The following GPC5 variants were observed in gnomAD, a reference collection of about 807,000 sequenced individuals.
GPC5 encodes the protein glypican-5.
Under a neutral mutation model 53.9 loss-of-function variants are expected in GPC5, and 47 were observed. That is an observed-to-expected ratio of 0.87 (90% confidence interval 0.69 to 1.11). The LOEUF (loss-of-function observed/expected upper bound fraction) is 1.11, where lower values mean the gene tolerates loss of function less well. Ranked by LOEUF, GPC5 falls within the 50% of genes most tolerant of loss-of-function variation. The pLI is 0.00. For missense variants in GPC5, 748 were observed against 713.1 expected, an observed-to-expected ratio of 1.05 and a Z score of -0.56; for synonymous variants, 286 against 263.3, an observed-to-expected ratio of 1.09 and a Z score of -0.84.
At chr13:91,784,845 G>A (rs2037854233) in intron 5 of GPC5, among the ~76,000 whole-genome samples, 1 of 152,116 alleles carries the variant, frequency 6.6e-6, no homozygotes, top group Admixed American at 6.5e-5. Context: ...GCAATAACTA[G>A]ATTAGAAAAT....
chr13:92,514,064 G>C (rs1880678907), intron 7 of GPC5, among the ~76,000 whole-genome samples: 1 of 151,716 alleles, frequency 6.6e-6, no homozygotes, highest in African/African-American at 2.4e-5. Context: ...AAAAGAAAGG[G>C]AGTAAGGCTA....
intron 2 of GPC5, among the ~76,000 whole-genome samples, chr13:91,640,219 A>G (rs1044138866): frequency 6.6e-6 from 1 of 152,200 alleles, no homozygotes; most frequent in African/African-American, 2.4e-5. Context: ...GAGTGGGAGA[A>G]AATTTTTGCT....
At chr13:91,927,595 A>T (rs544279537) in intron 6 of GPC5, among the ~76,000 whole-genome samples, 1 of 152,278 alleles carries the variant, frequency 6.6e-6, no homozygotes, top group African/African-American at 2.4e-5. Flanking sequence ...AAAAATATAG[A>T]TGATTTTGGA....
intron 2 of GPC5, among the ~76,000 whole-genome samples, chr13:91,547,590 TACAAC>T (rs967392818): frequency 6.6e-6 from 1 of 152,116 alleles, no homozygotes; most frequent in Non-Finnish European, 1.5e-5. Flanking sequence ...ACCAATTCTC[TACAAC>T]ATCTTTCAGA....
At chr13:91,483,107 C>G (rs1235854204) in intron 2 of GPC5, among the ~76,000 whole-genome samples, 1 of 152,092 alleles carries the variant, frequency 6.6e-6, no homozygotes, top group African/African-American at 2.4e-5. Context: ...CAGCATGACT[C>G]CAAAGTTTGG....
chr13:91,514,511 A>G (rs1885393611), intron 2 of GPC5, among the ~76,000 whole-genome samples: 1 of 152,122 alleles, frequency 6.6e-6, no homozygotes, highest in Non-Finnish European at 1.5e-5. Flanking sequence ...TCAAGTTTTG[A>G]AAGTCCTTTA....
At chr13:92,438,544 A>G (rs999715641) in intron 7 of GPC5, among the ~76,000 whole-genome samples, 4 of 152,076 alleles carry the variant, frequency 2.6e-5, no homozygotes, top group Admixed American at 2.6e-4. Flanking sequence ...TAAAGCTTTT[A>G]ATCAAGATGC....
chr13:91,860,521 A>G (rs1269699498), intron 5 of GPC5, among the ~76,000 whole-genome samples: 1 of 101,398 alleles, frequency 9.9e-6, no homozygotes, highest in African/African-American at 3.9e-5. Context: ...CTTTTTCTTT[A>G]TTTCTTTTTT....
chr13:91,572,177 A>G (rs1294092943), intron 2 of GPC5, among the ~76,000 whole-genome samples: 2 of 69,792 alleles, frequency 2.9e-5, no homozygotes, highest in African/African-American at 6.8e-5. Context: ...ATATGTATAT[A>G]TACGTGTGTA....
At chr13:92,596,410 T>C (rs970568842) in intron 7 of GPC5, among the ~76,000 whole-genome samples, 1 of 152,134 alleles carries the variant, frequency 6.6e-6, no homozygotes, top group African/African-American at 2.4e-5. Context: ...GATCTTCTCC[T>C]AAATATACAT....
intron 3 of GPC5, among the ~76,000 whole-genome samples, chr13:91,706,945 A>G (rs1414584841): frequency 6.6e-6 from 1 of 152,154 alleles, no homozygotes; most frequent in East Asian, 1.9e-4. Context: ...CATAGAAATA[A>G]ATATAAAAAT....
At chr13:92,106,953 T>C (rs1834163798) in intron 6 of GPC5, among the ~76,000 whole-genome samples, 1 of 152,138 alleles carries the variant, frequency 6.6e-6, no homozygotes, top group African/African-American at 2.4e-5. Flanking sequence ...GTAATTCTTT[T>C]TGTATTTCAT....
At chr13:92,068,626 A>G (rs1204100236) in intron 6 of GPC5, among the ~76,000 whole-genome samples, 2 of 151,484 alleles carry the variant, frequency 1.3e-5, no homozygotes, top group African/African-American at 4.8e-5. Flanking sequence ...ATTATCTTTC[A>G]TCAGATTAAA....
intron 7 of GPC5, among the ~76,000 whole-genome samples, chr13:92,446,129 A>G (rs747089101): frequency 1.3e-5 from 2 of 152,128 alleles, no homozygotes; most frequent in Admixed American, 6.6e-5. Flanking sequence ...AAAATGTACA[A>G]TTAAATTATT....
chr13:92,676,182 A>T (rs117584328), intron 7 of GPC5, among the ~76,000 whole-genome samples: 2 of 152,302 alleles, frequency 1.3e-5, no homozygotes, highest in Non-Finnish European at 2.9e-5. Context: ...ATTATATAAC[A>T]GACATTGATG....
At chr13:92,541,408 G>GA (rs1881926820) in intron 7 of GPC5, among the ~76,000 whole-genome samples, 2 of 151,724 alleles carry the variant, frequency 1.3e-5, no homozygotes, top group South Asian at 4.1e-4. Flanking sequence ...TATAATTTGA[G>GA]AAAAAATCAA....
At chr13:92,271,243 T>A (rs572803561) in intron 7 of GPC5, among the ~76,000 whole-genome samples, 33 of 152,362 alleles carry the variant, frequency 2.2e-4, no homozygotes, top group Non-Finnish European at 2.9e-4. Flanking sequence ...AAAGGTGATA[T>A]TTTTGGGGAG....
chr13:91,695,593 T>C (rs1358778650), intron 3 of GPC5, among the ~76,000 whole-genome samples: 2 of 152,068 alleles, frequency 1.3e-5, no homozygotes, highest in Non-Finnish European at 2.9e-5. Flanking sequence ...GCCAGGATGG[T>C]CTCGTTCTCC....
chr13:91,679,095 T>C (rs2035449021), intron 2 of GPC5, among the ~76,000 whole-genome samples: 2 of 152,158 alleles, frequency 1.3e-5, no homozygotes, highest in African/African-American at 4.8e-5. Context: ...GAAGCTCTTT[T>C]AGTAATCCAA....
Sources: allele counts gnomAD v4.1 joint callset (sites outside exome capture counted in the v4.1 genomes callset), GRCh38; gene constraint gnomAD v4.1.1; transcripts MANE v1.5; gene names NCBI Gene and HGNC (gene_info 2026-07-23, HGNC 2026-07-21).